AGBL1: variants seen among roughly 807,000 people sequenced by gnomAD.
AGBL1 encodes the protein AGBL carboxypeptidase 1, also known as cytosolic carboxypeptidase 4.
A neutral mutation model predicts 118.9 loss-of-function variants in AGBL1; 130 were observed. The observed-to-expected ratio is 1.09, with a 90% CI of 0.95 to 1.26. The LOEUF (loss-of-function observed/expected upper bound fraction) is 1.26, where lower values mean the gene tolerates loss of function less well. AGBL1 is among the 50% of genes most tolerant of loss of function. The probability of loss-of-function intolerance (pLI) is 0.00; values close to 1 mark genes in which losing one functional copy is unlikely to be tolerated. For synonymous variants in AGBL1, 555 were observed against 478.9 expected (o/e 1.16, Z -2.08); for missense variants, 1,584 against 1,298.1 (o/e 1.22, Z -3.38).
chr15:86,662,759 T>C (rs2142519984), intron 21 of AGBL1, among the ~76,000 whole-genome samples: 1 of 152,278 alleles, frequency 6.6e-6, no homozygotes, highest in East Asian at 1.9e-4. Flanking sequence ...CAAATGCTAA[T>C]CTGCAGACCA....
intron 5 of AGBL1, among the ~76,000 whole-genome samples, chr15:86,161,933 TA>T (rs1412052537): frequency 3.3e-5 from 5 of 152,172 alleles, no homozygotes; most frequent in Admixed American, 3.3e-4. Flanking sequence ...TTGTGGGCAA[TA>T]ACAAATAATG....
At chr15:86,783,597 C>T (rs1389317000) in intron 22 of AGBL1, among the ~76,000 whole-genome samples, 2 of 152,102 alleles carry the variant, frequency 1.3e-5, no homozygotes, top group Non-Finnish European at 2.9e-5. Flanking sequence ...ATTAGAGGAA[C>T]ACACTGTGAG....
At chr15:86,143,043 C>T (rs536785114) in intron 2 of AGBL1, among the ~76,000 whole-genome samples, 3 of 152,284 alleles carry the variant, frequency 2.0e-5, no homozygotes, top group Non-Finnish European at 2.9e-5. Context: ...GTAATGAAAT[C>T]GTTGCTTTTG....
intron 18 of AGBL1, among the ~76,000 whole-genome samples, chr15:86,466,660 C>A (rs893837094): frequency 6.6e-6 from 1 of 152,158 alleles, no homozygotes; most frequent in South Asian, 2.1e-4. Flanking sequence ...CTGTTGGTGA[C>A]CTTCAGATGG....
chr15:86,377,778 C>G (rs1404237698), intron 17 of AGBL1, among the ~76,000 whole-genome samples: 1 of 152,116 alleles, frequency 6.6e-6, no homozygotes, highest in Non-Finnish European at 1.5e-5. Context: ...CATTCCTACA[C>G]CAGGGATTCA....
chr15:86,753,793 A>T (rs1048793144), intron 22 of AGBL1, among the ~76,000 whole-genome samples: 7 of 152,082 alleles, frequency 4.6e-5, no homozygotes, highest in African/African-American at 1.4e-4. Flanking sequence ...GTCCAGGTTA[A>T]ACTCTGAATG....
At chr15:86,754,551 A>G (rs959943235) in intron 22 of AGBL1, among the ~76,000 whole-genome samples, 1 of 152,014 alleles carries the variant, frequency 6.6e-6, no homozygotes. Flanking sequence ...ATGAGTCCAA[A>G]GGGCTCCTGA....
chr15:86,294,926 G>A (rs9630450), intron 16 of AGBL1, among the ~76,000 whole-genome samples: 54,373 of 151,904 alleles, frequency 0.36, 10,157 homozygotes, highest in Middle Eastern at 0.41. Context: ...ACCCTTCCGA[G>A]TCTCCATTTT....
intron 5 of AGBL1, among the ~76,000 whole-genome samples, chr15:86,200,713 T>C: frequency 6.6e-6 from 1 of 151,516 alleles, no homozygotes; most frequent in African/African-American, 2.4e-5. Flanking sequence ...GCCTCCCAGG[T>C]TCAAGCAATT....
At chr15:86,934,685 T>C (rs2080645548) in intron 23 of AGBL1, among the ~76,000 whole-genome samples, 1 of 100,026 alleles carries the variant, frequency 1.0e-5, no homozygotes, top group African/African-American at 3.1e-5. Flanking sequence ...CTGGAGCTGG[T>C]TAATACAGTA....
intron 17 of AGBL1, among the ~76,000 whole-genome samples, chr15:86,352,666 G>A (rs772758907): frequency 1.3e-5 from 2 of 152,082 alleles, no homozygotes; most frequent in Non-Finnish European, 2.9e-5. Flanking sequence ...ATTTTTAGTA[G>A]AGATGGGGTT....
intron 2 of AGBL1, 115 bp downstream of exon 2, chr15:86,142,182 G>A (rs2076972693): frequency 9.7e-7 from 1 of 1,032,730 alleles, no homozygotes; most frequent in Non-Finnish European, 1.4e-6. Flanking sequence ...TTTCCTGTGA[G>A]AGGCAGCATC....
intron 18 of AGBL1, among the ~76,000 whole-genome samples, chr15:86,471,792 A>G (rs930288016): frequency 3.3e-5 from 5 of 152,192 alleles, no homozygotes; most frequent in Admixed American, 3.3e-4. Context: ...TTTAAGGGTG[A>G]TGTAGTAGGT....
At chr15:86,509,141 C>A (rs113135280) in intron 18 of AGBL1, among the ~76,000 whole-genome samples, 10 of 152,088 alleles carry the variant, frequency 6.6e-5, no homozygotes, top group Non-Finnish European at 1.0e-4. Context: ...TCCGGTGACA[C>A]GCACATACAC....
At chr15:86,795,918 C>T (rs571573169) in intron 22 of AGBL1, among the ~76,000 whole-genome samples, 12 of 151,616 alleles carry the variant, frequency 7.9e-5, no homozygotes, top group South Asian at 2.1e-4. Context: ...CCAGAAGGCA[C>T]ACAATAAGAA....
intron 21 of AGBL1, chr15:86,630,745 T>G (rs1269632549): frequency 1.3e-5 from 2 of 152,250 alleles, no homozygotes; most frequent in Non-Finnish European, 1.5e-5. Context: ...TAGCTATTTT[T>G]TTCCAAAGTC....
At chr15:86,158,804 G>T (rs1238226018) in intron 4 of AGBL1, 129 bp from the exon 5 acceptor site, 4 of 722,466 alleles carry the variant, frequency 5.5e-6, no homozygotes, top group Admixed American at 4.6e-5. Flanking sequence ...TGCAACCAGG[G>T]TGGAAAAGAA....
intron 19 of AGBL1, among the ~76,000 whole-genome samples, chr15:86,538,513 A>T (rs1197386815): frequency 1.3e-5 from 2 of 152,216 alleles, no homozygotes; most frequent in East Asian, 3.8e-4. Context: ...TGTTAACTCC[A>T]TTTAGGAACT....
intron 22 of AGBL1, among the ~76,000 whole-genome samples, chr15:86,883,583 T>C (rs2079926394): frequency 6.6e-6 from 1 of 152,136 alleles, no homozygotes; most frequent in Admixed American, 6.6e-5. Flanking sequence ...GTTCCTCTGC[T>C]AGAACATTCA....
Sources: allele counts gnomAD v4.1 joint callset (sites outside exome capture counted in the v4.1 genomes callset), GRCh38; gene constraint gnomAD v4.1.1; transcripts MANE v1.5; gene names NCBI Gene and HGNC (gene_info 2026-07-23, HGNC 2026-07-21).